The following NOP56 variants were observed in gnomAD, a reference collection of about 807,000 sequenced individuals.
NOP56 encodes NOP56 ribonucleoprotein, also known as nucleolar protein 56.
Under a neutral mutation model 58.3 loss-of-function variants are expected in NOP56, and 31 were observed. The observed-to-expected ratio is 0.53, with a 90% CI of 0.40 to 0.72. NOP56 has a LOEUF of 0.72. Ranked by LOEUF, NOP56 falls within the 30% of genes least tolerant of loss-of-function variation. NOP56 has a pLI of 0.00. For synonymous variants in NOP56, 313 were observed against 282.8 expected, an observed-to-expected ratio of 1.11 and a Z score of -1.07; for missense variants, 669 against 739.9, an observed-to-expected ratio of 0.90 and a Z score of 1.11.
chr20:2,652,786 G>A (rs1250106555), intron 1 of NOP56, 56 bp from the exon 2 acceptor site: 2 of 1,483,068 alleles, frequency 1.3e-6, no homozygotes, highest in Admixed American at 1.9e-5. Context: ...CCCTGGGAAC[G>A]GGTTCCGGCA....
At chr20:2,653,684 G>A in intron 3 of NOP56, 1 of 301,386 alleles carries the variant, frequency 3.3e-6, no homozygotes, top group Non-Finnish European at 6.3e-6. Flanking sequence ...TTGAGATGGA[G>A]TCTGTCCCCC....
Position 2,657,221 on chromosome 20 carries a change from C to T in NOP56, c.1419+3C>T, listed in dbSNP as rs200308757. The T allele has an allele frequency of 1.0e-4, 167 of 1,614,062 alleles. No homozygotes were observed. In the African/African-American group the frequency reaches 2.0e-3, roughly 20 times the overall value. On this transcript the variant is annotated splice_donor_region_variant and intron_variant, in intron 11 of 11. Coordinates refer to ENST00000329276, the MANE Select transcript of NOP56 (RefSeq NM_006392.4). ...GTAGTACTCCAGAGGAGTGTGAGGTCAGTAGGCAGCACGGCCCTGGCAGAG... is the reference window on the plus strand; with the variant it reads ...GTAGTACTCCAGAGGAGTGTGAGGTTAGTAGGCAGCACGGCCCTGGCAGAG...
chr20:2,657,284 A>G (rs1198525412), intron 11 of NOP56, 66 bp downstream of exon 11: 9 of 1,603,238 alleles, frequency 5.6e-6, no homozygotes, highest in Non-Finnish European at 7.7e-6. Context: ...AGAACAAAGG[A>G]TATGCTGCAT....
chr20:2,657,177 G>T lies in NOP56; in HGVS notation c.1378G>T (p.Ala460Ser). 6.2e-7 allele frequency: 1 copy of T among 1,614,124 alleles called. No homozygotes were observed. The highest frequency in any genetic ancestry group is 8.5e-7 in the Non-Finnish European group (1 of 1,180,036). Residue 460 changes from alanine (A) to serine (S), a missense_variant, in exon 11 of 12, where the codon GCG (alanine) becomes TCG (serine). Around this residue, in one of 3 missense-constraint regions of NOP56, gnomAD observed 209 missense variants for 196.2 expected, o/e 1.07. Transcript: ENST00000329276. ...GAAACGGCTGGCTGCACTTGCCCTC[G>T]CGTCTTCAGAAAACAGCAGTAGTAC... ...EKKRLAALAL[A>S]SSENSSSTPE...
chr20:2,656,222 A>G (rs764683598), intron 8 of NOP56, 179 bp from the exon 9 acceptor site: 2 of 1,604,778 alleles, frequency 1.2e-6, no homozygotes, highest in Non-Finnish European at 1.7e-6. Context: ...CAGGTCAGCG[A>G]CATTGGATGC....
intron 11 of NOP56, 185 bp downstream of exon 11, chr20:2,657,403 G>A (rs1459076325): frequency 1.1e-6 from 1 of 893,726 alleles, no homozygotes; most frequent in Non-Finnish European, 1.8e-6. Flanking sequence ...TTGCTCAAGA[G>A]CCCAGAGAGC....
intron 3 of NOP56, 102 bp from the exon 4 acceptor site, chr20:2,654,312 T>C (rs1187465172): frequency 8.5e-7 from 1 of 1,178,736 alleles, no homozygotes; most frequent in African/African-American, 1.5e-5. Context: ...GATCTAGGTA[T>C]GCCATCCCAG....
intron 3 of NOP56, chr20:2,653,621 A>AG: frequency 1.9e-6 from 1 of 531,722 alleles, no homozygotes; most frequent in Non-Finnish European, 3.3e-6. Flanking sequence ...AATGTGTGTT[A>AG]ACGTTTCCTT....
rs78171737 is a variant in NOP56, at chr20:2,657,840, C to T, written c.1420-89C>T. The T allele has an allele frequency of 3.0e-3, 4,239 of 1,407,292 alleles. 84 individuals carry two copies. The highest frequency in any genetic ancestry group is 0.029 in the South Asian group (1,957 of 68,316). The allele number at this position is 1,407,292 out of a possible 1,614,324, so 87.2% of individuals were successfully genotyped here. On this transcript the variant is annotated intron_variant, in intron 11 of 11. Coordinates refer to ENST00000329276, the MANE Select transcript of NOP56 (RefSeq NM_006392.4). ...TCCCAGAAACACTGGGCAATGTTAA[C>T]GACACGCGTTCCCCTGCCTTGGCTA...
At chr20:2,652,960 G>A (rs754057683) in intron 2 of NOP56, 29 bp downstream of exon 2, 3 of 1,550,280 alleles carry the variant, frequency 1.9e-6, no homozygotes, top group African/African-American at 1.4e-5. Flanking sequence ...CTCCTTTGGC[G>A]GCCCCGCAGA....
chr20:2,656,584 G>GGGCTGGGT (rs1568542840), intron 9 of NOP56, 35 bp downstream of exon 9: 1 of 1,612,362 alleles, frequency 6.2e-7, no homozygotes, highest in Non-Finnish European at 8.5e-7. Flanking sequence ...GTGTGAGAAG[G>GGGCTGGGT]GGCTGGGTGG....
rs1450573941 is a variant in NOP56, at chr20:2,656,854, C to G, written c.1240C>G (p.Pro414Ala). Reference protein sequence around the residue: ...RLSFYETGEIPRKNLDVMKEA... With the variant: ...RLSFYETGEIARKNLDVMKEA... Reference sequence around the variant, plus strand: ...GTCCTTCTATGAGACTGGAGAGATACCACGAAAGAATCTGGATGTCATGAA... The same window carrying G: ...GTCCTTCTATGAGACTGGAGAGATAGCACGAAAGAATCTGGATGTCATGAA... Residue 414 changes from proline to alanine, a missense_variant, in exon 10 of 12, where the codon CCA becomes GCA. Pro to Ala is a conservative substitution (Grantham distance 27). This residue lies in a region of NOP56 where 339 missense variants were observed against 430.5 expected (regional missense o/e 0.79). Transcript: ENST00000329276. 1 of 1,614,090 alleles carries G rather than the reference C, an allele frequency of 6.2e-7. No homozygotes were observed. Among genetic ancestry groups the G allele is most frequent in the South Asian group, 1.1e-5 (1 of 91,078 alleles).
intron 3 of NOP56, 104 bp downstream of exon 3, chr20:2,653,497 GAT>G: frequency 1.2e-6 from 1 of 857,374 alleles, no homozygotes; most frequent in South Asian, 1.4e-5. Flanking sequence ...CTCTGAGTCT[GAT>G]AGGCGTGAGG....
Position 2,656,149 on chromosome 20 carries a change from G to A in NOP56, c.1010+115G>A, listed in dbSNP as rs772943478. 9.6e-5 allele frequency: 154 copies of A among 1,610,130 alleles called. 1 individual carries two copies. The highest frequency in any genetic ancestry group is 3.8e-4 in the Admixed American group (23 of 60,016). On this transcript the variant is annotated intron_variant, in intron 8 of 11. Coordinates refer to ENST00000329276, the MANE Select transcript of NOP56 (RefSeq NM_006392.4). ...CCTGACCTATACAGGCCTCTGCTAT[G>A]GGGGTGATGGCCAGTCCTGGTGTCT...
rs1288096310 is a variant in NOP56 at position 2,656,911 on chromosome 20, C to T, written c.1281+16C>T. 6.2e-7 allele frequency: 1 copy of T among 1,614,022 alleles called. No individual in the cohort carries two copies. The highest frequency in any genetic ancestry group is 1.6e-4 in the Middle Eastern group (1 of 6,062). On this transcript the variant is annotated intron_variant, in intron 10 of 11. Transcript: ENST00000329276. ...AATGGTTCAGGTCAGTTGGGCTTTG[C>T]TGGGTGTGGAGTGGCATAGCTAGCT...
intron 11 of NOP56, 157 bp from the exon 12 acceptor site, chr20:2,657,772 C>T: frequency 1.2e-6 from 1 of 800,138 alleles, no homozygotes; most frequent in Admixed American, 2.6e-5. Flanking sequence ...TTGGGACAGC[C>T]TTTGGGGTGG....
chr20:2,655,733 T>C lies in NOP56; in HGVS notation c.896T>C (p.Leu299Pro). 2 of 1,614,186 alleles carry C rather than the reference T, an allele frequency of 1.2e-6. No homozygotes were observed. The highest frequency in any genetic ancestry group is 1.7e-6 in the Non-Finnish European group (2 of 1,180,038). ...CAAGTAGCCCCCAGCCTGTCAGCCC[T>C]AATTGGGGAAGCGGTGCGTCACAGG... ...MSQVAPSLSA[L>P]IGEAVGARLI... Residue 299 changes from leucine (L) to proline (P), a missense_variant, in exon 7 of 12, where the codon CTA becomes CCA. Physicochemically the swap from Leu to Pro is moderately conservative, Grantham distance 98. Coordinates refer to ENST00000329276, the MANE Select transcript of NOP56 (RefSeq NM_006392.4).
chr20:2,657,295 C>G, intron 11 of NOP56, 77 bp downstream of exon 11: 1 of 1,595,608 alleles, frequency 6.3e-7, no homozygotes, highest in Non-Finnish European at 8.6e-7. Context: ...TATGCTGCAT[C>G]AAGCTGTGGT....
At chr20:2,655,866 AGGGCTGTCGTGCAACT>A (rs2086810101) in intron 7 of NOP56, 52 bp from the exon 8 acceptor site, 2 of 1,610,462 alleles carry the variant, frequency 1.2e-6, no homozygotes, top group Middle Eastern at 1.7e-4. Context: ...GGTGGGGAGC[AGGGCTGTCGTGCAACT>A]GGGCAGGTCA....
Sources: gnomAD v4.1 joint callset for allele counts on GRCh38, gnomAD v4.1.1 for gene constraint, gnomAD v4.1.1 regional missense constraint, MANE v1.5 for transcripts, NCBI Gene and HGNC (gene_info 2026-07-23, HGNC 2026-07-21) for gene names.